CSMD1: variants seen among roughly 807,000 people sequenced by gnomAD.
CSMD1 encodes the protein CUB and Sushi multiple domains 1.
Under a neutral mutation model 417.5 loss-of-function variants are expected in CSMD1, and 213 were observed. That is an observed-to-expected ratio of 0.51 (90% CI 0.46 to 0.57). CSMD1 has a LOEUF of 0.57. CSMD1 is among the 20% of genes least tolerant of loss of function. CSMD1 has a pLI of 0.00. For synonymous variants in CSMD1, 2,862 were observed against 1,736.8 expected, an observed-to-expected ratio of 1.65 and a Z score of -16.11; for missense variants, 6,923 against 4,529.7, an observed-to-expected ratio of 1.53 and a Z score of -15.17.
At chr8:3,852,769 G>C (rs1212096036) in intron 5 of CSMD1, among the ~76,000 whole-genome samples, 1 of 152,008 alleles carries the variant, frequency 6.6e-6, no homozygotes, top group Non-Finnish European at 1.5e-5. Context: ...AGGTTTGTAG[G>C]ATCCATTCCA....
chr8:3,734,565 G>C (rs1217874625), intron 6 of CSMD1, among the ~76,000 whole-genome samples: 3 of 152,134 alleles, frequency 2.0e-5, no homozygotes, highest in South Asian at 2.1e-4. Context: ...ACCCAAAATA[G>C]CTAGGCCTGG....
intron 49 of CSMD1, among the ~76,000 whole-genome samples, chr8:3,085,380 A>G (rs558264381): frequency 6.6e-6 from 1 of 152,332 alleles, no homozygotes; most frequent in East Asian, 1.9e-4. Context: ...CTTCTTAAAT[A>G]TTTTATAATT....
intron 5 of CSMD1, among the ~76,000 whole-genome samples, chr8:3,984,916 T>C (rs147542886): frequency 5.5e-4 from 83 of 152,030 alleles, no homozygotes; most frequent in African/African-American, 1.2e-3. Flanking sequence ...TCAAGCTTCA[T>C]TGTAGTTCAT....
chr8:4,450,325 G>T (rs907407351), intron 2 of CSMD1, among the ~76,000 whole-genome samples: 1 of 152,024 alleles, frequency 6.6e-6, no homozygotes, highest in Admixed American at 6.6e-5. Context: ...TTTTTTCTTT[G>T]TTTTTTTAAA....
intron 1 of CSMD1, among the ~76,000 whole-genome samples, chr8:4,804,404 GC>G (rs1336983691): frequency 6.6e-6 from 1 of 151,778 alleles, no homozygotes; most frequent in Non-Finnish European, 1.5e-5. Flanking sequence ...AAATTACAAA[GC>G]TTTCTATGCA....
At chr8:4,360,649 C>A (rs983144914) in intron 3 of CSMD1, among the ~76,000 whole-genome samples, 1 of 152,010 alleles carries the variant, frequency 6.6e-6, no homozygotes, top group Non-Finnish European at 1.5e-5. Context: ...CGCCACCACA[C>A]CTGGCTAATT....
At chr8:4,013,389 C>G (rs560699057) in intron 4 of CSMD1, among the ~76,000 whole-genome samples, 12 of 152,254 alleles carry the variant, frequency 7.9e-5, no homozygotes, top group South Asian at 6.2e-4. Flanking sequence ...CTGATATTCT[C>G]GCAGGGCTCA....
chr8:3,429,429 G>A (rs1223961102), intron 12 of CSMD1, among the ~76,000 whole-genome samples: 1 of 152,150 alleles, frequency 6.6e-6, no homozygotes, highest in Non-Finnish European at 1.5e-5. Context: ...GTGACCCAAG[G>A]GAAATGGAAG....
chr8:4,310,804 G>C (rs534894392), intron 3 of CSMD1, among the ~76,000 whole-genome samples: 2 of 152,146 alleles, frequency 1.3e-5, no homozygotes, highest in Non-Finnish European at 2.9e-5. Flanking sequence ...ATTCACATTA[G>C]ATCTCACCTT....
At chr8:3,681,842 G>T (rs1027614029) in intron 7 of CSMD1, among the ~76,000 whole-genome samples, 4 of 152,106 alleles carry the variant, frequency 2.6e-5, no homozygotes, top group South Asian at 4.1e-4. Flanking sequence ...CCAAAACAGA[G>T]ATATAGACCA....
chr8:3,831,438 A>T (rs998857109), intron 5 of CSMD1, among the ~76,000 whole-genome samples: 3 of 152,140 alleles, frequency 2.0e-5, no homozygotes, highest in Non-Finnish European at 2.9e-5. Flanking sequence ...AAAATTCCAT[A>T]AGGAAACATC....
intron 3 of CSMD1, among the ~76,000 whole-genome samples, chr8:4,298,995 A>G (rs1270654559): frequency 6.6e-6 from 1 of 152,102 alleles, no homozygotes. Flanking sequence ...TTGCAGATCT[A>G]CTGATGTTAA....
At chr8:4,531,576 A>C (rs998220116) in intron 2 of CSMD1, among the ~76,000 whole-genome samples, 1 of 152,136 alleles carries the variant, frequency 6.6e-6, no homozygotes, top group East Asian at 1.9e-4. Context: ...GCCAGATGTA[A>C]AGTCCTGTAT....
At chr8:3,088,432 G>T (rs763875240) in intron 48 of CSMD1, among the ~76,000 whole-genome samples, 1 of 152,068 alleles carries the variant, frequency 6.6e-6, no homozygotes, top group African/African-American at 2.4e-5. Context: ...CCATATAAAA[G>T]CACACACACG....
At chr8:4,379,712 G>C (rs1802980966) in intron 3 of CSMD1, among the ~76,000 whole-genome samples, 3 of 99,120 alleles carry the variant, frequency 3.0e-5, no homozygotes, top group South Asian at 6.7e-4. Context: ...GGCGGGAAGA[G>C]GGCAATGAAG....
At chr8:3,554,193 C>A (rs543280178) in intron 10 of CSMD1, among the ~76,000 whole-genome samples, 2 of 152,188 alleles carry the variant, frequency 1.3e-5, no homozygotes, top group East Asian at 1.9e-4. Context: ...ATGGATATAG[C>A]CATTTAAGGC....
intron 8 of CSMD1, among the ~76,000 whole-genome samples, chr8:3,608,073 G>A (rs199635768): frequency 6.6e-6 from 1 of 151,926 alleles, no homozygotes; most frequent in East Asian, 1.9e-4. Context: ...TCAGGAGGCT[G>A]AGGCCGGAGA....
Position 4,407,432 on chromosome 8 carries a change from A to G in CSMD1, c.415+12521T>C, listed in dbSNP as rs138869047. Among the ~76,000 whole-genome samples, 612 of 152,358 alleles carry G rather than the reference A, an allele frequency of 4.0e-3. 3 individuals are homozygous for G. Among genetic ancestry groups the G allele is most frequent in the Middle Eastern group, 0.02 (6 of 294 alleles). On this transcript the variant is annotated intron_variant, in intron 3 of 69. Transcript: ENST00000635120. ...GGTTGCTGCAAATTCAAACAATTGA[A>G]TTAAATGTGATTAAATCAAAAGTAT... is the stretch of plus-strand genomic sequence containing the variant.
intron 2 of CSMD1, among the ~76,000 whole-genome samples, chr8:4,424,262 A>T (rs902244821): frequency 8.5e-5 from 13 of 152,056 alleles, no homozygotes; most frequent in Non-Finnish European, 1.8e-4. Flanking sequence ...TATGCTGCAG[A>T]CTGGGAAAAC....
Sources: gnomAD v4.1 joint callset for allele counts (sites outside exome capture counted in the v4.1 genomes callset) on GRCh38, gnomAD v4.1.1 for gene constraint, MANE v1.5 for transcripts, NCBI Gene and HGNC (gene_info 2026-07-23, HGNC 2026-07-21) for gene names.